DNAH7: variants seen among roughly 807,000 people sequenced by gnomAD.
The protein encoded by DNAH7 is dynein axonemal heavy chain 7, also known as axonemal beta dynein heavy chain 7.
A neutral mutation model predicts 444.6 loss-of-function variants in DNAH7; 397 were observed. The observed-to-expected ratio is 0.89, with a 90% CI of 0.82 to 0.97. The LOEUF (loss-of-function observed/expected upper bound fraction) is 0.97. Among genes scored for constraint, DNAH7 ranks in the 50% least tolerant of loss-of-function variants. The pLI is 0.00. For synonymous variants in DNAH7, 1,636 were observed against 1,624.4 expected, an observed-to-expected ratio of 1.01 and a Z score of -0.17; for missense variants, 4,902 against 4,800.8, an observed-to-expected ratio of 1.02 and a Z score of -0.62.
chr2:195,887,627 A>C (rs956398947), intron 33 of DNAH7, among the ~76,000 whole-genome samples: 11 of 152,170 alleles, frequency 7.2e-5, no homozygotes, highest in Admixed American at 2.0e-4. Flanking sequence ...AGAACTATCA[A>C]CCCTATTTCC....
At chr2:195,950,339 G>A (rs1690133500) in intron 19 of DNAH7, among the ~76,000 whole-genome samples, 1 of 152,094 alleles carries the variant, frequency 6.6e-6, no homozygotes, top group Non-Finnish European at 1.5e-5. Flanking sequence ...TTTTGGGAGG[G>A]TGTATGTGCC....
chr2:195,746,129 C>T (rs914579125), intron 63 of DNAH7, among the ~76,000 whole-genome samples: 1 of 151,958 alleles, frequency 6.6e-6, no homozygotes, highest in African/African-American at 2.4e-5. Flanking sequence ...GACACATAGG[C>T]TCAAGATAAA....
rs1276122788 is a variant in DNAH7 at position 195,796,477 on chromosome 2, C to T, written c.10515+99G>A. On this transcript the variant is annotated intron_variant, in intron 56 of 64. Coordinates refer to ENST00000312428, the MANE Select transcript of DNAH7 (RefSeq NM_018897.3). ...ATCCAGCCAAAGCACTAACCTGCAA[C>T]GCTCCAAATTAGAGGGGAATGGAGC... is the stretch of plus-strand genomic sequence containing the variant. 22 of 1,361,314 alleles carry T rather than the reference C, an allele frequency of 1.6e-5. 1 individual carries two copies. Among genetic ancestry groups the T allele is most frequent in the South Asian group, 1.1e-4 (8 of 71,056 alleles). 84.3% of individuals were successfully genotyped at this position (1,361,314 alleles called of 1,614,324 possible).
At chr2:195,919,615 G>A (rs1687899921) in intron 24 of DNAH7, among the ~76,000 whole-genome samples, 1 of 152,116 alleles carries the variant, frequency 6.6e-6, no homozygotes, top group Non-Finnish European at 1.5e-5. Context: ...AAAGTGCTGG[G>A]ATCACAGGCA....
intron 14 of DNAH7, among the ~76,000 whole-genome samples, chr2:195,986,293 T>C (rs977326286): frequency 6.6e-6 from 1 of 152,240 alleles, no homozygotes; most frequent in African/African-American, 2.4e-5. Flanking sequence ...TATTCATGTT[T>C]AGAGCCTTAG....
At chr2:195,936,856 T>C in intron 19 of DNAH7, 64 bp from the exon 20 acceptor site, 2 of 1,169,380 alleles carry the variant, frequency 1.7e-6, no homozygotes, top group Non-Finnish European at 2.3e-6. Context: ...TTTATATTCA[T>C]ATTATATTTG....
intron 55 of DNAH7, 29 bp from the exon 56 acceptor site, chr2:195,796,766 T>C (rs746438315): frequency 6.3e-7 from 1 of 1,575,626 alleles, no homozygotes; most frequent in Non-Finnish European, 8.6e-7. Context: ...GAGATGTTAT[T>C]TAAAATCACA....
intron 64 of DNAH7, among the ~76,000 whole-genome samples, 149 bp downstream of exon 64, chr2:195,740,607 GTGTGTGTGTA>G (rs1281614325): frequency 6.9e-4 from 38 of 55,086 alleles, no homozygotes; most frequent in East Asian, 4.3e-3. Flanking sequence ...GTGTGTGTGT[GTGTGTGTGTA>G]TATATATATA....
chr2:195,763,469 C>T (rs1272484784), intron 61 of DNAH7, among the ~76,000 whole-genome samples: 1 of 151,710 alleles, frequency 6.6e-6, no homozygotes, highest in African/African-American at 2.4e-5. Context: ...ACAAAATCAA[C>T]AAACCTTCAG....
At chr2:195,906,219 T>G (rs1320062095) in intron 27 of DNAH7, among the ~76,000 whole-genome samples, 1 of 152,030 alleles carries the variant, frequency 6.6e-6, no homozygotes, top group Non-Finnish European at 1.5e-5. Flanking sequence ...ATTTTGTAAT[T>G]TTTCAAAATT....
At chr2:195,880,633 C>T (rs1258744816) in intron 36 of DNAH7, among the ~76,000 whole-genome samples, 1 of 152,068 alleles carries the variant, frequency 6.6e-6, no homozygotes, top group Non-Finnish European at 1.5e-5. Context: ...CCACTGCGCC[C>T]GGCCTGCAAA....
intron 5 of DNAH7, among the ~76,000 whole-genome samples, chr2:196,047,077 C>T (rs975222663): frequency 8.5e-5 from 13 of 152,122 alleles, no homozygotes; most frequent in African/African-American, 2.9e-4. Flanking sequence ...CTGCTAGAAT[C>T]CTCCACTGGC....
intron 62 of DNAH7, 127 bp downstream of exon 62, chr2:195,756,003 TAAG>T: frequency 1.1e-6 from 1 of 874,716 alleles, no homozygotes; most frequent in Non-Finnish European, 1.7e-6. Flanking sequence ...TATGAAATAT[TAAG>T]TAGTGGTGAT....
chr2:195,935,193 G>A (rs1238795313), intron 20 of DNAH7, among the ~76,000 whole-genome samples: 1 of 152,206 alleles, frequency 6.6e-6, no homozygotes, highest in African/African-American at 2.4e-5. Flanking sequence ...GGGTTCTTCA[G>A]AGACTGCTTG....
chr2:195,984,510 G>C lies in DNAH7; in HGVS notation c.1833+122C>G. On this transcript the variant is annotated intron_variant, in intron 15 of 64. Coordinates refer to ENST00000312428, the MANE Select transcript of DNAH7 (RefSeq NM_018897.3). ...CTACAGGCGCATGCCACCACACCCAGCTAATTGAAAGTCATTATTATTTTT... is the reference window on the plus strand; with the variant it reads ...CTACAGGCGCATGCCACCACACCCACCTAATTGAAAGTCATTATTATTTTT... 3 of 972,752 alleles carry C rather than the reference G, an allele frequency of 3.1e-6. No homozygotes were observed. The South Asian group carries it at 4.8e-5, about 16-fold the overall frequency. The allele number at this position is 972,752 out of a possible 1,614,324, so 60.3% of individuals were successfully genotyped here.
chr2:195,984,412 A>G (rs894487836), intron 15 of DNAH7, among the ~76,000 whole-genome samples: 5 of 152,104 alleles, frequency 3.3e-5, no homozygotes, highest in African/African-American at 4.8e-5. Flanking sequence ...CAGTGGCGCA[A>G]TCTCGACTCA....
chr2:195,834,472 T>A (rs1698233416), intron 47 of DNAH7, 112 bp from the exon 48 acceptor site: 2 of 1,200,326 alleles, frequency 1.7e-6, no homozygotes. Flanking sequence ...ATTGTAATAT[T>A]TTACTTTTTA....
At chr2:195,786,865 G>T in intron 58 of DNAH7, 145 bp downstream of exon 58, 1 of 750,484 alleles carries the variant, frequency 1.3e-6, no homozygotes, top group Non-Finnish European at 2.0e-6. Flanking sequence ...TTACAATAAA[G>T]TACTACTTAA....
chr2:195,778,774 T>C lies in DNAH7; in HGVS notation c.10879-789A>G, dbSNP rs1379940597. On this transcript the variant is annotated intron_variant, in intron 58 of 64. Transcript: ENST00000312428. The stretch of plus-strand genomic sequence containing the variant: ...AAAACTCAGAGATCAGCAGTGTTAC[T>C]TCACCACCTTTCAATATCCATATAT... Among the ~76,000 whole-genome samples the C allele has an allele frequency of 1.3e-4, 19 of 145,752 alleles. 1 individual carries two copies.
Sources: gnomAD v4.1 joint callset for allele counts (sites outside exome capture counted in the v4.1 genomes callset) on GRCh38, gnomAD v4.1.1 for gene constraint, MANE v1.5 for transcripts, NCBI Gene and HGNC (gene_info 2026-07-23, HGNC 2026-07-21) for gene names.